SEC16A: variants seen among roughly 807,000 people sequenced by gnomAD.
The protein encoded by SEC16A is SEC16 homolog A, endoplasmic reticulum export factor, also known as protein transport protein Sec16A.
Under a neutral mutation model 221.9 loss-of-function variants are expected in SEC16A, and 110 were observed. That is an observed-to-expected ratio of 0.50 (90% confidence interval 0.42 to 0.58). The LOEUF (loss-of-function observed/expected upper bound fraction) is 0.58. SEC16A is among the 20% of genes least tolerant of loss of function. The probability of loss-of-function intolerance (pLI) is 0.00; values close to 1 mark genes in which losing one functional copy is unlikely to be tolerated. For synonymous variants in SEC16A, 1,393 were observed against 1,257.7 expected (o/e 1.11, Z -2.28); for missense variants, 3,165 against 3,097.8 (o/e 1.02, Z -0.52).
rs1308625855 is a variant in SEC16A, at chr9:136,476,887, A to G, written c.729T>C (p.Cys243=). The G allele has an allele frequency of 6.2e-7, 1 of 1,611,824 alleles. No homozygotes were observed. The change falls in exon 3 of 32, where the codon TGT becomes TGC. Residue 243 remains cysteine (C), a synonymous_variant. Transcript: ENST00000684901. The part of the protein sequence containing the change: ...PEGPVPSGVP[C]ATSVPHFPTP... ...TGGGGAAATGAGGAACGCTGGTGGC[A>G]CAGGGCACCCCGCTGGGAACAGGTC...
At chr9:136,461,396 C>A (rs1839462568) in intron 12 of SEC16A, 122 bp from the exon 13 acceptor site, 2 of 695,270 alleles carry the variant, frequency 2.9e-6, no homozygotes, top group Admixed American at 2.1e-5. Context: ...GCCTCAAAAA[C>A]ACACTTATTC....
Position 136,446,889 on chromosome 9 carries a change from C to A in SEC16A, c.6758G>T (p.Gly2253Val), listed in dbSNP as rs896059806. 4 of 1,613,122 alleles carry A rather than the reference C, an allele frequency of 2.5e-6. No homozygotes were observed. The highest frequency in any genetic ancestry group is 2.5e-6 in the Non-Finnish European group (3 of 1,179,656). The change falls in exon 28 of 32, where the codon GGC (glycine) becomes GTC (valine). Residue 2253 changes from glycine to valine, a missense_variant. Physicochemically the swap from Gly to Val is moderately radical, Grantham distance 109. Transcript: ENST00000684901. The stretch of plus-strand genomic sequence containing the variant: ...TGGGGCAGGCTCTGGATTGGCCAGG[C>A]CCCTAGCTGCTGCAGGCCCTTCCCT... Reference protein sequence around the residue: ...TGREGPAAARGLANPEPAPEP... With the variant: ...TGREGPAAARVLANPEPAPEP...
rs1399135673 is a variant in SEC16A, at chr9:136,476,499, C to A, written c.1117G>T (p.Ala373Ser). The change falls in exon 3 of 32, where the codon GCG (alanine) becomes TCG (serine). Residue 373 changes from alanine (A) to serine (S), a missense_variant. Transcript: ENST00000684901. ...GTCTCTCCCCCTTGGAAAAACATCGCCAGAGCTCCTGAAGCTCCTGAGTCT... is the reference window on the plus strand; with the variant it reads ...GTCTCTCCCCCTTGGAAAAACATCGACAGAGCTCCTGAAGCTCCTGAGTCT... The part of the protein sequence containing the change: ...EADSGASGAL[A>S]MFFQGGETEN... 1 of 1,613,128 alleles carries A rather than the reference C, an allele frequency of 6.2e-7. No homozygotes were observed. The highest frequency in any genetic ancestry group is 1.7e-5 in the Admixed American group (1 of 59,978).
chr9:136,480,782 C>T (rs948733043), intron 1 of SEC16A, among the ~76,000 whole-genome samples: 3 of 151,986 alleles, frequency 2.0e-5, no homozygotes, highest in Admixed American at 6.5e-5. Context: ...CCCAGCTACT[C>T]GGGAGGCTGA....
Position 136,445,118 on chromosome 9 carries a change from A to T in SEC16A, c.6868-7T>A. On this transcript the variant is annotated splice_region_variant and splice_polypyrimidine_tract_variant and intron_variant, in intron 29 of 31. Coordinates refer to ENST00000684901, the MANE Select transcript of SEC16A (RefSeq NM_014866.2). ...TTGAACTACAGCGCGAAAGCTACAA[A>T]ACAGCAAGAACACACATAAAACACG... The T allele has an allele frequency of 6.2e-7, 1 of 1,601,166 alleles. No individual in the cohort carries two copies.
In SEC16A at chr9:136,440,586, A is replaced by G. The variant is rs1310041103; in HGVS notation, c.*1169T>C. On this transcript the variant is annotated 3_prime_UTR_variant, in exon 32 of 32. Transcript: ENST00000684901. ...CTTTAGACTTGACAAGAATACGAAGAGTTTCAGAACAGTCAGAGAAGCCTT... is the reference window on the plus strand; with the variant it reads ...CTTTAGACTTGACAAGAATACGAAGGGTTTCAGAACAGTCAGAGAAGCCTT... 6.5e-6 allele frequency: 1 copy of G among 152,688 alleles called. No homozygotes were observed. Among genetic ancestry groups the G allele is most frequent in the African/African-American group, 2.4e-5 (1 of 41,460 alleles). The allele number at this position is 152,688 out of a possible 1,614,324, so 9.5% of individuals were successfully genotyped here.
intron 22 of SEC16A, among the ~76,000 whole-genome samples, chr9:136,452,449 CAAAAAAAAA>C (rs752510860): frequency 5.2e-4 from 12 of 23,278 alleles, no homozygotes; most frequent in South Asian, 1.8e-3. Context: ...AACTCCATCT[CAAAAAAAAA>C]AAAAAAAAAA....
In SEC16A at chr9:136,475,673, G is replaced by A. The variant is rs750310805; in HGVS notation, c.1943C>T (p.Ala648Val). 6.2e-7 allele frequency: 1 copy of A among 1,613,798 alleles called. No individual in the cohort carries two copies. Among genetic ancestry groups the A allele is most frequent in the African/African-American group, 1.3e-5 (1 of 75,058 alleles). The stretch of plus-strand genomic sequence containing the variant: ...AGGGGAAGCATCGGGCAGGGCGGCA[G>A]CTGGTCTGCACTGCTTCTGGCGGAC... ...TCVRQKQCRP[A>V]AALPDASPGN... The change falls in exon 3 of 32, where the codon GCT (alanine) becomes GTT (valine). Residue 648 changes from alanine (A) to valine (V), a missense_variant. Ala to Val is a moderately conservative substitution (Grantham distance 64). This residue lies in a region of SEC16A where 2,030 missense variants were observed against 1,923.1 expected (regional missense o/e 1.06). Transcript: ENST00000684901. This position sits in a 1 kb window ranked among gnomAD's most constrained non-coding sequence, Gnocchi z 5.0.
rs560683660 is a variant in SEC16A at position 136,459,422 on chromosome 9, C to T, written c.5303+22G>A. 82 of 1,557,982 alleles carry T rather than the reference C, an allele frequency of 5.3e-5. No homozygotes were observed. The South Asian group carries it at 7.2e-4, about 14-fold the overall frequency. The stretch of plus-strand genomic sequence containing the variant: ...TACTTTGAAAGGAAAACTTACAGGA[C>T]TACACTGACTTGGTTCTTTACCTGT... On this transcript the variant is annotated intron_variant, in intron 16 of 31. Transcript: ENST00000684901. The surrounding 1 kb of genome is among the most constrained non-coding windows in gnomAD (Gnocchi z 6.1).
At chr9:136,469,064 G>A (rs1840525851) in intron 4 of SEC16A, among the ~76,000 whole-genome samples, 1 of 152,058 alleles carries the variant, frequency 6.6e-6, no homozygotes, top group African/African-American at 2.4e-5. Flanking sequence ...TGCCGAGGCT[G>A]GTCTCGAACA....
intron 31 of SEC16A, among the ~76,000 whole-genome samples, chr9:136,442,392 G>A (rs949541976): frequency 2.0e-5 from 3 of 152,262 alleles, no homozygotes; most frequent in African/African-American, 4.8e-5. Context: ...CCTCGGCCTC[G>A]TTTGTAGAGG....
Position 136,441,629 on chromosome 9 carries a change from T to C in SEC16A, c.*126A>G, listed in dbSNP as rs939180862. 1 of 732,244 alleles carries C rather than the reference T, an allele frequency of 1.4e-6. No individual in the cohort carries two copies. Among genetic ancestry groups the C allele is most frequent in the Non-Finnish European group, 2.4e-6 (1 of 411,822 alleles). 45.4% of individuals were successfully genotyped at this position (732,244 alleles called of 1,614,324 possible). A position where few individuals can be genotyped will look rare whatever the true frequency, so the allele number is the denominator to read the frequency against. ...GGGCGGTGAGGAGGGAGGCACAGTG[T>C]GCGACCAGCTCTGAGTCACTGCTGT... On this transcript the variant is annotated 3_prime_UTR_variant, in exon 32 of 32. Coordinates refer to ENST00000684901, the MANE Select transcript of SEC16A (RefSeq NM_014866.2).
At chr9:136,470,777 C>A (rs540305366) in intron 4 of SEC16A, among the ~76,000 whole-genome samples, 3 of 152,342 alleles carry the variant, frequency 2.0e-5, no homozygotes, top group African/African-American at 7.2e-5. Flanking sequence ...GCACGAGGAA[C>A]CTTTCAAAAA....
intron 4 of SEC16A, among the ~76,000 whole-genome samples, chr9:136,470,344 A>G (rs1413580467): frequency 6.6e-6 from 1 of 152,208 alleles, no homozygotes; most frequent in Non-Finnish European, 1.5e-5. Flanking sequence ...GCCTCTCAGA[A>G]TCGGTTCCTA....
Position 136,459,206 on chromosome 9 carries a change from T to C in SEC16A, c.5337A>G (p.Ala1779=). The part of the protein sequence containing the change: ...LPFLKFATNE[A]IQRTEAYEYA... ...ACTCATAGGCTTCCGTCCTCTGGATTGCTTCGTTGGTTGCGAACTTTAAGA... is the reference window on the plus strand; with the variant it reads ...ACTCATAGGCTTCCGTCCTCTGGATCGCTTCGTTGGTTGCGAACTTTAAGA... The change falls in exon 17 of 32, where the codon GCA becomes GCG. Residue 1779 remains alanine, a synonymous_variant. Coordinates refer to ENST00000684901, the MANE Select transcript of SEC16A (RefSeq NM_014866.2). This position sits in a 1 kb window ranked among gnomAD's most constrained non-coding sequence, Gnocchi z 6.1. 1 of 1,613,834 alleles carries C rather than the reference T, an allele frequency of 6.2e-7. No individual in the cohort carries two copies. Among genetic ancestry groups the C allele is most frequent in the Non-Finnish European group, 8.5e-7 (1 of 1,179,760 alleles).
At chr9:136,480,718 C>T (rs1842209904) in intron 1 of SEC16A, among the ~76,000 whole-genome samples, 1 of 152,010 alleles carries the variant, frequency 6.6e-6, no homozygotes. Flanking sequence ...GGTGAAACCC[C>T]GTCTCTACTA....
chr9:136,475,278 G>C lies in SEC16A; in HGVS notation c.2338C>G (p.Gln780Glu). The C allele has an allele frequency of 3.1e-6, 5 of 1,613,494 alleles. No homozygotes were observed. Among genetic ancestry groups the C allele is most frequent in the Non-Finnish European group, 4.2e-6 (5 of 1,179,844 alleles). The change falls in exon 3 of 32, where the codon CAG (glutamine) becomes GAG (glutamate). Residue 780 changes from glutamine to glutamate, a missense_variant. By Grantham distance (29) the Gln-to-Glu change is conservative (BLOSUM62 2). Transcript: ENST00000684901. This position sits in a 1 kb window ranked among gnomAD's most constrained non-coding sequence, Gnocchi z 5.0. ...GAAGCACCAATGCCACCTCGGCTCTGCACCGGGGCCGCCGAGCTTGGGTTC... is the reference window on the plus strand; with the variant it reads ...GAAGCACCAATGCCACCTCGGCTCTCCACCGGGGCCGCCGAGCTTGGGTTC... ...SRNPSSAAPV[Q>E]SRGGIGASEN...
chr9:136,450,221 A>AAACC (rs1837597782), intron 23 of SEC16A, among the ~76,000 whole-genome samples: 1 of 152,274 alleles, frequency 6.6e-6, no homozygotes. Context: ...ACAAACAAAC[A>AAACC]AACAAACAAA....
Position 136,466,435 on chromosome 9 carries a change from CCT to C in SEC16A, c.3955_3956del (p.Arg1319ValfsTer10). ...AACTCCCCGTGAAGCGAGGATCGTA[CCT>C]CCAGTTGTTGTCACGTTTCTCGGGC... The part of the protein sequence containing the change: ...DRPEKRDNNW[R>X]YDPRFTGSFD... On this transcript the variant is annotated frameshift_variant, in exon 7 of 32. Transcript: ENST00000684901. LOFTEE classifies it high-confidence loss of function. This position sits in a 1 kb window ranked among gnomAD's most constrained non-coding sequence, Gnocchi z 5.5. The C allele has an allele frequency of 6.2e-7, 1 of 1,607,232 alleles. No homozygotes were observed. The highest frequency in any genetic ancestry group is 8.5e-7 in the Non-Finnish European group (1 of 1,177,012).
Sources: gnomAD v4.1 joint callset for allele counts (sites outside exome capture counted in the v4.1 genomes callset) on GRCh38, gnomAD v4.1.1 for gene constraint, gnomAD v4.1.1 regional missense constraint, Gnocchi (gnomAD v3.1) non-coding constraint, MANE v1.5 for transcripts, NCBI Gene and HGNC (gene_info 2026-07-23, HGNC 2026-07-21) for gene names.